Variants in PIK3R3 observed in about 807,000 individuals in gnomAD.
PIK3R3 encodes the protein phosphoinositide-3-kinase regulatory subunit 3, also known as phosphatidylinositol 3-kinase regulatory subunit gamma.
A neutral mutation model predicts 62.9 loss-of-function variants in PIK3R3; 64 were observed. The ratio of observed to expected loss-of-function variants is 1.02; its 90% confidence interval spans 0.83 to 1.25. The LOEUF (loss-of-function observed/expected upper bound fraction) is 1.25. PIK3R3 is among the 50% of genes most tolerant of loss of function. The probability of loss-of-function intolerance (pLI) is 0.00; values close to 1 mark genes in which losing one functional copy is unlikely to be tolerated. For missense variants in PIK3R3, 614 were observed against 561.6 expected, an observed-to-expected ratio of 1.09 and a Z score of -0.94; for synonymous variants, 165 against 189.0, an observed-to-expected ratio of 0.87 and a Z score of 1.04.
chr1:46,139,563 T>A, the PIK3R3 span, among the ~76,000 whole-genome samples: 1 of 152,324 alleles, frequency 6.6e-6, no homozygotes, highest in African/African-American at 2.4e-5. Flanking sequence ...CACCTTGGCC[T>A]ACCAAAGTGC....
At chr1:46,048,732 AAAAG>A (rs957981500) in intron 7 of PIK3R3, among the ~76,000 whole-genome samples, 1 of 152,168 alleles carries the variant, frequency 6.6e-6, no homozygotes, top group Non-Finnish European at 1.5e-5. Context: ...ATTGAAAAAA[AAAAG>A]AAAAAGAAAA....
chr1:46,103,916 G>A (rs544897126), intron 1 of PIK3R3, among the ~76,000 whole-genome samples: 69 of 151,366 alleles, frequency 4.6e-4, no homozygotes, highest in African/African-American at 1.3e-3. Flanking sequence ...TTTATATTAT[G>A]TGAAGGTCTT....
chr1:46,151,521 G>A, the PIK3R3 span, among the ~76,000 whole-genome samples: 11 of 152,132 alleles, frequency 7.2e-5, no homozygotes, highest in African/African-American at 2.2e-4. Flanking sequence ...AGGTGGGAGG[G>A]TCACTTGGGC....
the PIK3R3 span, among the ~76,000 whole-genome samples, chr1:46,138,621 C>G: frequency 6.6e-6 from 1 of 152,246 alleles, no homozygotes; most frequent in African/African-American, 2.4e-5. Flanking sequence ...GATAGTGCCA[C>G]TGCTCCCAGC....
chr1:46,062,498 C>T (rs138516795), intron 5 of PIK3R3, among the ~76,000 whole-genome samples: 1 of 152,112 alleles, frequency 6.6e-6, no homozygotes, highest in Non-Finnish European at 1.5e-5. Flanking sequence ...TTGCTTGAAC[C>T]CGGAAGGCAG....
intron 3 of PIK3R3, among the ~76,000 whole-genome samples, chr1:46,068,386 A>G (rs1407530095): frequency 6.6e-6 from 1 of 152,184 alleles, no homozygotes; most frequent in Non-Finnish European, 1.5e-5. Flanking sequence ...CCATGCTCTC[A>G]TGGAGCTTCC....
intron 3 of PIK3R3, 30 bp from the exon 4 acceptor site, chr1:46,067,121 T>G: frequency 6.7e-7 from 1 of 1,496,840 alleles, no homozygotes; most frequent in African/African-American, 1.4e-5. Context: ...AACTGTGGAT[T>G]TTTTTCCCCC....
At chr1:46,078,007 G>C (rs1650228635) in intron 2 of PIK3R3, among the ~76,000 whole-genome samples, 1 of 152,162 alleles carries the variant, frequency 6.6e-6, no homozygotes, top group Non-Finnish European at 1.5e-5. Flanking sequence ...CTGAACAGAA[G>C]GGGGAAAATT....
chr1:46,144,806 A>G, the PIK3R3 span, among the ~76,000 whole-genome samples: 1 of 150,914 alleles, frequency 6.6e-6, no homozygotes. Context: ...CTATCTTGCC[A>G]AATATATCTT....
chr1:46,109,213 A>G (rs1056732194), intron 1 of PIK3R3, among the ~76,000 whole-genome samples: 9 of 150,984 alleles, frequency 6.0e-5, no homozygotes, highest in Non-Finnish European at 1.3e-4. Flanking sequence ...TTCTCTAACT[A>G]CCTCTTACTT....
chr1:46,170,250 G>C, the PIK3R3 span, among the ~76,000 whole-genome samples: 10 of 152,286 alleles, frequency 6.6e-5, no homozygotes, highest in Non-Finnish European at 1.2e-4. Context: ...TGGAGATGCT[G>C]GGGTCAGCAT....
chr1:46,148,598 C>G, the PIK3R3 span, among the ~76,000 whole-genome samples: 1 of 152,020 alleles, frequency 6.6e-6, no homozygotes, highest in Non-Finnish European at 1.5e-5. Flanking sequence ...ATGTAGCCAC[C>G]CTTGGAAGCA....
chr1:46,058,879 T>C (rs1293792038), intron 6 of PIK3R3, among the ~76,000 whole-genome samples: 4 of 152,166 alleles, frequency 2.6e-5, no homozygotes, highest in Non-Finnish European at 4.4e-5. Flanking sequence ...GAATGCATGA[T>C]TGGTTCTGAA....
Position 46,132,480 on chromosome 1 carries a change from G to A in PIK3R3, c.-528C>T. ...CGAATCCCCCAGAGGCCGGGACTCG[G>A]GCTCCTCTCCGGTCGGTCTCGGAAC... On this transcript the variant is annotated 5_prime_UTR_variant, in exon 1 of 10. Transcript: ENST00000262741. 8.3e-7 allele frequency: 1 copy of A among 1,202,660 alleles called. No homozygotes were observed. The highest frequency in any genetic ancestry group is 3.7e-4 in the Middle Eastern group (1 of 2,680). 74.5% of individuals were successfully genotyped at this position (1,202,660 alleles called of 1,614,324 possible).
intron 1 of PIK3R3, among the ~76,000 whole-genome samples, chr1:46,090,965 C>T (rs1284209046): frequency 7.2e-5 from 11 of 151,934 alleles, no homozygotes; most frequent in African/African-American, 2.7e-4. Flanking sequence ...TGGCCCTCTG[C>T]CTGTTTTCCA....
chr1:46,095,780 A>T (rs1040084824), intron 1 of PIK3R3, among the ~76,000 whole-genome samples: 5 of 152,208 alleles, frequency 3.3e-5, no homozygotes, highest in African/African-American at 1.2e-4. Context: ...ATCTCTTTCC[A>T]AGTTGGAGAC....
At chr1:46,076,907 A>C (rs1023064130) in intron 3 of PIK3R3, among the ~76,000 whole-genome samples, 2 of 152,140 alleles carry the variant, frequency 1.3e-5, no homozygotes, top group Non-Finnish European at 2.9e-5. Context: ...TTTGTTAAAT[A>C]TTTCCTTTTT....
chr1:46,107,115 G>A (rs1653286456), intron 1 of PIK3R3, among the ~76,000 whole-genome samples: 1 of 152,106 alleles, frequency 6.6e-6, no homozygotes, highest in Non-Finnish European at 1.5e-5. Flanking sequence ...CAACACTTTG[G>A]GAGGCCAAGG....
chr1:46,067,820 A>G (rs1378726045), intron 3 of PIK3R3, among the ~76,000 whole-genome samples: 2 of 152,214 alleles, frequency 1.3e-5, no homozygotes, highest in African/African-American at 4.8e-5. Context: ...TCATGCTTGG[A>G]CAGTTCAGGC....
Sources: gnomAD v4.1 joint callset for allele counts (sites outside exome capture counted in the v4.1 genomes callset) on GRCh38, gnomAD v4.1.1 for gene constraint, MANE v1.5 for transcripts, NCBI Gene and HGNC (gene_info 2026-07-23, HGNC 2026-07-21) for gene names.